ZFP30: variants seen among roughly 807,000 people sequenced by gnomAD.
The protein encoded by ZFP30 is zinc finger protein 30 homolog.
Under a neutral mutation model 12.3 loss-of-function variants are expected in ZFP30, and 16 were observed. That is an observed-to-expected ratio of 1.30 (90% CI 0.88 to 1.98). The LOEUF is 1.98. Ranked by LOEUF, ZFP30 falls within the 30% of genes most tolerant of loss-of-function variation. The pLI is 0.00. For missense variants in ZFP30, 560 were observed against 611.2 expected, an observed-to-expected ratio of 0.92 and a Z score of 0.88; for synonymous variants, 172 against 201.0, an observed-to-expected ratio of 0.86 and a Z score of 1.22.
rs1256659413 is a variant in ZFP30, at chr19:37,653,222, C to T, written c.-78+1490G>A. Among the ~76,000 whole-genome samples, 5 of 152,010 alleles carry T rather than the reference C, an allele frequency of 3.3e-5. No homozygotes were observed. In the East Asian group the frequency reaches 9.6e-4, roughly 29 times the overall value. ...AGTGTGACTGAAAAAATAATTTCTA[C>T]CAGTTCCTGAGTATTGTATCTCATC... On this transcript the variant is annotated intron_variant, in intron 2 of 5. Coordinates refer to ENST00000684514, the MANE Select transcript of ZFP30 (RefSeq NM_001320669.3).
intron 2 of ZFP30, among the ~76,000 whole-genome samples, chr19:37,648,171 G>C (rs2044579624): frequency 6.6e-6 from 1 of 152,186 alleles, no homozygotes; most frequent in African/African-American, 2.4e-5. Flanking sequence ...TTGGTCCCCA[G>C]CTCTGACCCC....
intron 2 of ZFP30, among the ~76,000 whole-genome samples, chr19:37,653,681 C>T (rs957959315): frequency 6.6e-6 from 1 of 152,126 alleles, no homozygotes; most frequent in East Asian, 1.9e-4. Context: ...AAAGTCATTA[C>T]CAGTTATTTC....
In ZFP30 at chr19:37,643,267, A is replaced by G; in HGVS notation, c.233T>C (p.Leu78Pro). ...VVRDEKRRWT[L>P]DLESRYDTKK... ...ACCTCTGCCTGATCAGCACTTACCT[A>G]GAGTCCATCTTCTTTTCTCATCCCT... The change falls in exon 5 of 6, where the codon CTA (leucine) becomes CCA (proline). Residue 78 changes from leucine (L) to proline (P), a missense_variant and splice_region_variant. Physicochemically the swap from Leu to Pro is moderately conservative, Grantham distance 98. Coordinates refer to ENST00000684514, the MANE Select transcript of ZFP30 (RefSeq NM_001320669.3). 2 of 1,611,028 alleles carry G rather than the reference A, an allele frequency of 1.2e-6. No homozygotes were observed. The highest frequency in any genetic ancestry group is 1.7e-6 in the Non-Finnish European group (2 of 1,178,838).
chr19:37,637,925 A>T (rs1373382702), intron 5 of ZFP30, among the ~76,000 whole-genome samples: 1 of 152,216 alleles, frequency 6.6e-6, no homozygotes, highest in East Asian at 1.9e-4. Context: ...TAGCAAATCC[A>T]CAGTACATAT....
intron 5 of ZFP30, among the ~76,000 whole-genome samples, chr19:37,638,971 G>C (rs1197071117): frequency 1.3e-5 from 2 of 151,990 alleles, no homozygotes; most frequent in Non-Finnish European, 2.9e-5. Flanking sequence ...ATTTCAATAA[G>C]TTTACTTTTA....
intron 5 of ZFP30, among the ~76,000 whole-genome samples, chr19:37,638,884 G>C (rs1452975415): frequency 6.6e-6 from 1 of 152,102 alleles, no homozygotes; most frequent in African/African-American, 2.4e-5. Flanking sequence ...CTCTATTTCT[G>C]AATCTGTGTA....
rs1053321278 is a variant in ZFP30, at chr19:37,635,428, G to A, written c.1113C>T (p.Leu371=). ...KTFSRGYHLT[L]HQRIHTGEKP... ...TTTCACCAGTATGTATTCTCTGATG[G>A]AGAGTTAGATGATAGCCACGACTGA... is the stretch of plus-strand genomic sequence containing the variant. The change falls in exon 6 of 6, where the codon CTC becomes CTT. Residue 371 remains leucine (L), a synonymous_variant. Transcript: ENST00000684514. The A allele has an allele frequency of 6.2e-7, 1 of 1,613,858 alleles. No individual in the cohort carries two copies.
intron 3 of ZFP30, among the ~76,000 whole-genome samples, chr19:37,647,257 A>G (rs899018116): frequency 1.4e-4 from 21 of 152,178 alleles, no homozygotes; most frequent in African/African-American, 3.1e-4. Flanking sequence ...CAATGCACAC[A>G]TGGATACTGG....
At position 37,634,982 on chromosome 19, in the gene ZFP30, T is replaced by G. The variant is rs758578345; in HGVS notation, c.1559A>C (p.Ter520SerextTer1). 1 of 1,535,602 alleles carries G rather than the reference T, an allele frequency of 6.5e-7. No homozygotes were observed. Among genetic ancestry groups the G allele is most frequent in the East Asian group, 2.3e-5 (1 of 44,252 alleles). The change falls in exon 6 of 6, where the codon TAA (stop) becomes TCA (serine). Residue 520 changes from the stop codon to serine (S), a stop_lost. Coordinates refer to ENST00000684514, the MANE Select transcript of ZFP30 (RefSeq NM_001320669.3). ...GCAAAGGAAGAGTTCTAATAATTAT[T>G]AAGTTACATTATGAATTCGCTGATG... is the stretch of plus-strand genomic sequence containing the variant. ...TYHQRIHNVT[*>S]
At chr19:37,652,788 T>C (rs986364688) in intron 2 of ZFP30, among the ~76,000 whole-genome samples, 35 of 152,140 alleles carry the variant, frequency 2.3e-4, no homozygotes, top group Non-Finnish European at 2.5e-4. Context: ...CAAAAAATTT[T>C]AAATGACTGG....
chr19:37,633,331 T>C lies in ZFP30; in HGVS notation c.*1650A>G, dbSNP rs1209359155. ...CCCAATGTGTAGAGCTTTGGCAACA[T>C]CCACAAGTTTTAATATGTAGAAATT... On this transcript the variant is annotated 3_prime_UTR_variant, in exon 6 of 6. Transcript: ENST00000684514. 1 of 151,354 alleles carries C rather than the reference T, an allele frequency of 6.6e-6. No individual in the cohort carries two copies. The highest frequency in any genetic ancestry group is 1.5e-5 in the Non-Finnish European group (1 of 67,828). The allele number at this position is 151,354 out of a possible 1,614,324, so 9.4% of individuals were successfully genotyped here.
chr19:37,653,773 C>G (rs1038993906), intron 2 of ZFP30, among the ~76,000 whole-genome samples: 1 of 152,166 alleles, frequency 6.6e-6, no homozygotes, highest in Non-Finnish European at 1.5e-5. Flanking sequence ...CCTCGCTCCA[C>G]TGAAAAAATT....
At chr19:37,639,467 C>T (rs889095339) in intron 5 of ZFP30, among the ~76,000 whole-genome samples, 1 of 152,074 alleles carries the variant, frequency 6.6e-6, no homozygotes, top group African/African-American at 2.4e-5. Flanking sequence ...CACCATGGCT[C>T]GCACCTGTAA....
chr19:37,651,639 C>CAGA (rs1218748745), intron 2 of ZFP30: 1 of 151,838 alleles, frequency 6.6e-6, no homozygotes. Flanking sequence ...ATCAATCCTT[C>CAGA]AGAAATACAG....
chr19:37,632,405 G>T lies in ZFP30; in HGVS notation c.*2576C>A, dbSNP rs925575679. The T allele has an allele frequency of 7.9e-5, 12 of 151,998 alleles. No homozygotes were observed. The highest frequency in any genetic ancestry group is 2.9e-4 in the African/African-American group (12 of 41,378). 9.4% of individuals were successfully genotyped at this position (151,998 alleles called of 1,614,324 possible). ...TTTTATCATTCATATAGCTGTAGCT[G>T]TGTAATCTTTCATATTTCTGTGATC... On this transcript the variant is annotated 3_prime_UTR_variant, in exon 6 of 6. Coordinates refer to ENST00000684514, the MANE Select transcript of ZFP30 (RefSeq NM_001320669.3).
At chr19:37,641,772 AG>A (rs748288972) in intron 5 of ZFP30, among the ~76,000 whole-genome samples, 6 of 152,240 alleles carry the variant, frequency 3.9e-5, no homozygotes, top group Non-Finnish European at 7.3e-5. Context: ...ATCCAAACAG[AG>A]TTCACAGAAT....
At position 37,635,082 on chromosome 19, in the gene ZFP30, T is replaced by A; in HGVS notation, c.1459A>T (p.Ile487Phe). The A allele has an allele frequency of 6.2e-7, 1 of 1,613,400 alleles. No individual in the cohort carries two copies. The highest frequency in any genetic ancestry group is 8.5e-7 in the Non-Finnish European group (1 of 1,179,700). Residue 487 changes from isoleucine to phenylalanine, a missense_variant, in exon 6 of 6, where the codon ATT becomes TTT. Physicochemically the swap from Ile to Phe is conservative, Grantham distance 21. Coordinates refer to ENST00000684514, the MANE Select transcript of ZFP30 (RefSeq NM_001320669.3). ...LHSSLIQHQR[I>F]HSGEKPYKCK... is the part of the protein sequence containing the mutation. Reference sequence around the variant, plus strand: ...TTGTATGGTTTCTCACCAGAATGAATTCTCTGATGTTGAATCAGTGATGAA... The same window carrying A: ...TTGTATGGTTTCTCACCAGAATGAAATCTCTGATGTTGAATCAGTGATGAA...
intron 2 of ZFP30, among the ~76,000 whole-genome samples, chr19:37,652,738 G>A (rs1238004221): frequency 6.6e-6 from 1 of 152,068 alleles, no homozygotes; most frequent in Non-Finnish European, 1.5e-5. Flanking sequence ...TCACAAGCTT[G>A]TATTAATTCT....
chr19:37,649,432 T>G (rs979859587), intron 2 of ZFP30, among the ~76,000 whole-genome samples: 1 of 152,014 alleles, frequency 6.6e-6, no homozygotes, highest in Non-Finnish European at 1.5e-5. Context: ...GTACAAAGAA[T>G]GAAATAATAT....
Sources: allele counts gnomAD v4.1 joint callset (sites outside exome capture counted in the v4.1 genomes callset), GRCh38; gene constraint gnomAD v4.1.1; transcripts MANE v1.5; gene names NCBI Gene and HGNC (gene_info 2026-07-23, HGNC 2026-07-21).